ASIC2: variants seen among roughly 807,000 people sequenced by gnomAD.
ASIC2 encodes the protein acid sensing ion channel subunit 2, also known as acid-sensing ion channel 2.
A neutral mutation model predicts 57.3 loss-of-function variants in ASIC2; 25 were observed. That is an observed-to-expected ratio of 0.44 (90% confidence interval 0.32 to 0.61). The LOEUF (loss-of-function observed/expected upper bound fraction) is 0.61. ASIC2 is among the 20% of genes least tolerant of loss of function. The probability of loss-of-function intolerance (pLI) is 0.06; values close to 1 mark genes in which losing one functional copy is unlikely to be tolerated. For synonymous variants in ASIC2, 319 were observed against 307.5 expected, an observed-to-expected ratio of 1.04 and a Z score of -0.39; for missense variants, 641 against 738.1, an observed-to-expected ratio of 0.87 and a Z score of 1.52.
At chr17:33,376,985 A>T (rs189748711) in intron 1 of ASIC2, among the ~76,000 whole-genome samples, 37 of 152,304 alleles carry the variant, frequency 2.4e-4, no homozygotes, top group Admixed American at 2.4e-3. Flanking sequence ...TAATTCATTC[A>T]TTCCCTATAA....
At chr17:33,297,743 G>A (rs553669697), upstream of ASIC2, among the ~76,000 whole-genome samples, 1 of 152,030 alleles carries the variant, frequency 6.6e-6, no homozygotes, top group South Asian at 2.1e-4. Flanking sequence ...GGGATCCTGA[G>A]CCTGCAAGGT....
chr17:33,397,044 C>T lies in ASIC2; in HGVS notation c.556-284977G>A, dbSNP rs1910102708. Among the ~76,000 whole-genome samples, 3 of 152,208 alleles carry T rather than the reference C, an allele frequency of 2.0e-5. No homozygotes were observed. In the South Asian group the frequency reaches 6.2e-4, roughly 32 times the overall value. On this transcript the variant is annotated intron_variant, in intron 1 of 9. Transcript: ENST00000359872. ...CAAACACTAGAACTTACAACATATT[C>T]CGAGTCATCCCTCTGTGCTGTGGGG...
intron 1 of ASIC2, among the ~76,000 whole-genome samples, chr17:34,145,440 C>A (rs2142139464): frequency 6.6e-6 from 1 of 152,294 alleles, no homozygotes; most frequent in Non-Finnish European, 1.5e-5. Flanking sequence ...CTTTAGAGGT[C>A]ATTAAATCCA....
intron 1 of ASIC2, among the ~76,000 whole-genome samples, chr17:33,141,463 G>A (rs910883003): frequency 3.3e-5 from 5 of 152,212 alleles, no homozygotes; most frequent in South Asian, 2.1e-4. Context: ...GGCATAAAAT[G>A]TCCCACTAAA....
chr17:33,280,317 A>G (rs73985311), intron 1 of ASIC2, among the ~76,000 whole-genome samples: 13,688 of 152,268 alleles, frequency 0.09, 789 homozygotes, highest in South Asian at 0.23. Flanking sequence ...AACAACAACA[A>G]AAAAGGCTCT....
At chr17:34,081,828 T>C (rs1598013747) in intron 1 of ASIC2, among the ~76,000 whole-genome samples, 1 of 152,248 alleles carries the variant, frequency 6.6e-6, no homozygotes, top group East Asian at 1.9e-4. Context: ...AGTATTTTTA[T>C]ATATAAATTG....
At chr17:33,500,827 G>A (rs1914079165) in intron 1 of ASIC2, among the ~76,000 whole-genome samples, 2 of 152,228 alleles carry the variant, frequency 1.3e-5, no homozygotes. Context: ...CACACAGAAG[G>A]CACTCAAAGC....
intron 1 of ASIC2, among the ~76,000 whole-genome samples, chr17:34,033,516 G>C (rs1907718067): frequency 6.6e-6 from 1 of 152,146 alleles, no homozygotes. Flanking sequence ...ACTAAGATCA[G>C]AGCAGAACTG....
chr17:33,468,674 C>A, intron 1 of ASIC2, among the ~76,000 whole-genome samples: 1 of 150,282 alleles, frequency 6.7e-6, no homozygotes, highest in African/African-American at 2.5e-5. Context: ...ATATGTATAC[C>A]CCCACCCCAC....
At chr17:33,185,202 G>A (rs1193925718) in intron 1 of ASIC2, among the ~76,000 whole-genome samples, 1 of 152,138 alleles carries the variant, frequency 6.6e-6, no homozygotes, top group Non-Finnish European at 1.5e-5. Flanking sequence ...CTTTCTTAGA[G>A]CAATATGTTG....
At chr17:34,034,899 G>T (rs377320754) in intron 1 of ASIC2, among the ~76,000 whole-genome samples, 19,776 of 152,120 alleles carry the variant, frequency 0.13, 1,357 homozygotes, top group South Asian at 0.19. Flanking sequence ...CATGCTTATG[G>T]ATAGGAAGAA....
At chr17:33,949,820 A>G (rs1322287790) in intron 1 of ASIC2, among the ~76,000 whole-genome samples, 2 of 152,270 alleles carry the variant, frequency 1.3e-5, no homozygotes, top group Non-Finnish European at 2.9e-5. Flanking sequence ...CCTGGCACCT[A>G]GCAAAGGCTT....
At chr17:33,573,197 C>T (rs896244194) in intron 1 of ASIC2, among the ~76,000 whole-genome samples, 10 of 152,158 alleles carry the variant, frequency 6.6e-5, no homozygotes, top group African/African-American at 2.2e-4. Flanking sequence ...TGAAGATTCC[C>T]TCAGGACTCC....
chr17:33,169,589 GAA>G (rs1905429938), intron 1 of ASIC2, among the ~76,000 whole-genome samples: 1 of 152,170 alleles, frequency 6.6e-6, no homozygotes, highest in Non-Finnish European at 1.5e-5. Context: ...ATTTGGCTTT[GAA>G]CTCAAGTCTA....
At chr17:33,760,732 T>A (rs1264620666) in intron 1 of ASIC2, among the ~76,000 whole-genome samples, 5 of 152,140 alleles carry the variant, frequency 3.3e-5, no homozygotes, top group African/African-American at 1.2e-4. Flanking sequence ...TTCTTGAAGG[T>A]AAGAGGACAG....
At chr17:34,066,726 T>A (rs1347100144) in intron 1 of ASIC2, among the ~76,000 whole-genome samples, 1 of 152,160 alleles carries the variant, frequency 6.6e-6, no homozygotes, top group East Asian at 1.9e-4. Context: ...GCTCATTGTA[T>A]CCAGTGTTTT....
intron 1 of ASIC2, among the ~76,000 whole-genome samples, chr17:33,308,389 T>C (rs1908958): frequency 0.25 from 37,636 of 152,066 alleles, 5,371 homozygotes; most frequent in African/African-American, 0.38. Context: ...TTCCAAGACT[T>C]TCTGTGTTAT....
At position 33,755,246 on chromosome 17, in the gene ASIC2, G is replaced by A. The variant is rs561873610; in HGVS notation, c.555+400732C>T. The stretch of plus-strand genomic sequence containing the variant: ...GGCAGCCACCAAAAAGCTGTAAGAG[G>A]CAAGCAAATGGATTCTCTTCAAAAC... On this transcript the variant is annotated intron_variant, in intron 1 of 9. Coordinates refer to the ASIC2 transcript ENST00000359872. 4.6e-5 allele frequency among the ~76,000 whole-genome samples: 7 copies of A among 152,308 alleles called. No homozygotes were observed. The South Asian group carries it at 1.2e-3, about 27-fold the overall frequency.
At chr17:33,243,167 G>T (rs1310763632) in intron 1 of ASIC2, among the ~76,000 whole-genome samples, 5 of 152,064 alleles carry the variant, frequency 3.3e-5, no homozygotes, top group Non-Finnish European at 7.4e-5. Flanking sequence ...GTACATTGAT[G>T]GACACAATGT....
Sources: gnomAD v4.1 joint callset for allele counts (sites outside exome capture counted in the v4.1 genomes callset) on GRCh38, gnomAD v4.1.1 for gene constraint, MANE v1.5 for transcripts, NCBI Gene and HGNC (gene_info 2026-07-23, HGNC 2026-07-21) for gene names.